SEMA3A: variants seen among roughly 807,000 people sequenced by gnomAD.
SEMA3A encodes the protein semaphorin 3A.
A neutral mutation model predicts 97.9 loss-of-function variants in SEMA3A; 29 were observed. The ratio of observed to expected loss-of-function variants is 0.30; its 90% CI spans 0.22 to 0.40. The LOEUF (loss-of-function observed/expected upper bound fraction) is 0.40, where lower values mean the gene tolerates loss of function less well. SEMA3A is among the 10% of genes least tolerant of loss of function. The pLI is 1.00. For missense variants in SEMA3A, 763 were observed against 951.3 expected (o/e 0.80, Z 2.60); for synonymous variants, 321 against 323.7 (o/e 0.99, Z 0.09).
At chr7:84,342,654 GAACA>G (rs1802198064) in intron 2 of SEMA3A, among the ~76,000 whole-genome samples, 1 of 152,206 alleles carries the variant, frequency 6.6e-6, no homozygotes, top group African/African-American at 2.4e-5. Context: ...CACATCTCTT[GAACA>G]AACACACTAT....
At chr7:84,407,408 G>C (rs1804125166) in intron 1 of SEMA3A, among the ~76,000 whole-genome samples, 1 of 152,022 alleles carries the variant, frequency 6.6e-6, no homozygotes, top group South Asian at 2.1e-4. Context: ...ACAAACAAAT[G>C]GAAGAACATT....
chr7:84,472,223 G>A (rs933049142), intron 1 of SEMA3A, among the ~76,000 whole-genome samples: 1 of 152,038 alleles, frequency 6.6e-6, no homozygotes, highest in African/African-American at 2.4e-5. Flanking sequence ...AGTTAGGTTA[G>A]AGTCAAGAGA....
At chr7:84,330,963 A>G (rs1801897398) in intron 2 of SEMA3A, among the ~76,000 whole-genome samples, 1 of 152,170 alleles carries the variant, frequency 6.6e-6, no homozygotes, top group Admixed American at 6.6e-5. Flanking sequence ...ATTCCATGCC[A>G]TGGAAAGAAA....
At chr7:84,356,850 T>G (rs1802572713) in intron 2 of SEMA3A, among the ~76,000 whole-genome samples, 1 of 151,814 alleles carries the variant, frequency 6.6e-6, no homozygotes, top group African/African-American at 2.4e-5. Context: ...AATCGTGGTT[T>G]AAAAATGATA....
At chr7:83,962,169 G>A (rs958548675) in intron 16 of SEMA3A, among the ~76,000 whole-genome samples, 4 of 151,992 alleles carry the variant, frequency 2.6e-5, no homozygotes, top group Non-Finnish European at 4.4e-5. Context: ...ATTAAATATT[G>A]AAATTAGAAC....
intron 2 of SEMA3A, among the ~76,000 whole-genome samples, chr7:84,313,987 T>C (rs919161238): frequency 6.6e-6 from 1 of 152,074 alleles, no homozygotes; most frequent in Admixed American, 6.6e-5. Context: ...CTTAAAGTAA[T>C]AGATAAAACT....
chr7:84,074,030 C>T (rs886515556), intron 4 of SEMA3A, among the ~76,000 whole-genome samples: 1 of 152,076 alleles, frequency 6.6e-6, no homozygotes, highest in African/African-American at 2.4e-5. Flanking sequence ...ACATTTACAT[C>T]TGCTTTTATT....
At chr7:84,193,464 T>C in intron 1 of SEMA3A, among the ~76,000 whole-genome samples, 1 of 152,012 alleles carries the variant, frequency 6.6e-6, no homozygotes, top group East Asian at 1.9e-4. Context: ...CCCCCAATTT[T>C]AGAAATCTGA....
At chr7:84,146,260 G>A (rs148213606) in intron 1 of SEMA3A, among the ~76,000 whole-genome samples, 112 of 152,264 alleles carry the variant, frequency 7.4e-4, no homozygotes, top group African/African-American at 2.6e-3. Context: ...TGGTTAACTA[G>A]ATAATCAATC....
At chr7:84,038,885 G>T (rs73185467) in intron 6 of SEMA3A, among the ~76,000 whole-genome samples, 1 of 151,888 alleles carries the variant, frequency 6.6e-6, no homozygotes, top group African/African-American at 2.4e-5. Flanking sequence ...TTCTAATTTT[G>T]TAAAACACAA....
chr7:84,324,549 A>G (rs1208421516), intron 2 of SEMA3A, among the ~76,000 whole-genome samples: 5 of 152,218 alleles, frequency 3.3e-5, no homozygotes, highest in Non-Finnish European at 7.4e-5. Flanking sequence ...GTTTTGGCTG[A>G]TAGATAGCAA....
chr7:84,088,780 G>C (rs1794470757), intron 4 of SEMA3A, among the ~76,000 whole-genome samples: 1 of 152,032 alleles, frequency 6.6e-6, no homozygotes, highest in African/African-American at 2.4e-5. Context: ...AGTAGTTGGA[G>C]AATTTAAAAA....
intron 10 of SEMA3A, among the ~76,000 whole-genome samples, chr7:84,007,142 C>G (rs1329344773): frequency 6.6e-6 from 1 of 152,072 alleles, no homozygotes; most frequent in African/African-American, 2.4e-5. Context: ...ATATCTTATA[C>G]TGAATTTAAG....
chr7:84,437,469 TTTTTG>T (rs1178871538), intron 1 of SEMA3A, among the ~76,000 whole-genome samples: 1 of 151,986 alleles, frequency 6.6e-6, no homozygotes. Flanking sequence ...CATTTCCCCT[TTTTTG>T]TTTTATTAGA....
At chr7:84,161,049 G>A (rs750264696) in intron 1 of SEMA3A, among the ~76,000 whole-genome samples, 15 of 151,770 alleles carry the variant, frequency 9.9e-5, no homozygotes, top group Non-Finnish European at 2.2e-4. Flanking sequence ...GAGTAGAAGA[G>A]GATAATACTT....
At chr7:84,490,436 C>CT (rs565831430) in intron 1 of SEMA3A, among the ~76,000 whole-genome samples, 55 of 152,024 alleles carry the variant, frequency 3.6e-4, no homozygotes, top group Middle Eastern at 3.4e-3. Flanking sequence ...AAAATCAGAC[C>CT]TTTTTTCCAG....
intron 3 of SEMA3A, among the ~76,000 whole-genome samples, chr7:84,269,619 T>A (rs1276809381): frequency 6.6e-6 from 1 of 152,134 alleles, no homozygotes. Context: ...AAGTCAAACA[T>A]CTTGCTTCTG....
chr7:84,029,664 A>T (rs1207079138), intron 6 of SEMA3A, among the ~76,000 whole-genome samples: 1 of 152,152 alleles, frequency 6.6e-6, no homozygotes, highest in Non-Finnish European at 1.5e-5. Flanking sequence ...TTTGAATTAC[A>T]TTAGGTATAA....
At chr7:84,355,553 T>C (rs565830111) in intron 2 of SEMA3A, among the ~76,000 whole-genome samples, 1 of 151,790 alleles carries the variant, frequency 6.6e-6, no homozygotes, top group Admixed American at 6.6e-5. Context: ...TGAGAAGAGG[T>C]TGATACTGTA....
Sources: gnomAD v4.1 joint callset for allele counts (sites outside exome capture counted in the v4.1 genomes callset) on GRCh38, gnomAD v4.1.1 for gene constraint, MANE v1.5 for transcripts, NCBI Gene and HGNC (gene_info 2026-07-23, HGNC 2026-07-21) for gene names.